The following ZNF609 variants were observed in gnomAD, a reference collection of about 807,000 sequenced individuals.
ZNF609 encodes zinc finger protein 609.
Under a neutral mutation model 109.5 loss-of-function variants are expected in ZNF609, and 11 were observed. The observed-to-expected ratio is 0.10, with a 90% CI of 0.06 to 0.17. The LOEUF (loss-of-function observed/expected upper bound fraction) is 0.17. Ranked by LOEUF, ZNF609 falls within the 10% of genes least tolerant of loss-of-function variation. The pLI is 1.00. For missense variants in ZNF609, 1,559 were observed against 1,772.4 expected (o/e 0.88, Z 2.16); for synonymous variants, 646 against 662.0 (o/e 0.98, Z 0.37).
intron 1 of ZNF609, among the ~76,000 whole-genome samples, chr15:64,468,339 C>CA (rs908079313): frequency 4.0e-5 from 6 of 151,514 alleles, no homozygotes; most frequent in African/African-American, 1.5e-4. Flanking sequence ...TTCCTTAAGA[C>CA]AGGGTCTCAC....
chr15:64,679,396 A>G (rs1315116256), intron 6 of ZNF609, among the ~76,000 whole-genome samples: 1 of 152,182 alleles, frequency 6.6e-6, no homozygotes, highest in African/African-American at 2.4e-5. Flanking sequence ...TTGTTAGAAG[A>G]AAATGCTCTT....
At chr15:64,509,146 G>A (rs975124462) in intron 2 of ZNF609, among the ~76,000 whole-genome samples, 17 of 152,150 alleles carry the variant, frequency 1.1e-4, no homozygotes, top group African/African-American at 4.1e-4. Flanking sequence ...CAGTAGGTAT[G>A]ATTTTTTTCT....
chr15:64,564,610 G>A (rs1894744220), intron 2 of ZNF609, among the ~76,000 whole-genome samples: 1 of 151,772 alleles, frequency 6.6e-6, no homozygotes, highest in African/African-American at 2.4e-5. Context: ...GTTTTTTGTG[G>A]GGTTTTTTTT....
chr15:64,657,442 C>T (rs1896506690), intron 3 of ZNF609, among the ~76,000 whole-genome samples: 1 of 150,930 alleles, frequency 6.6e-6, no homozygotes, highest in Non-Finnish European at 1.5e-5. Flanking sequence ...GGTGAAACCC[C>T]GTCTCTACTG....
chr15:64,595,191 C>T (rs1015910268), intron 2 of ZNF609, among the ~76,000 whole-genome samples: 2 of 150,932 alleles, frequency 1.3e-5, no homozygotes, highest in African/African-American at 4.9e-5. Flanking sequence ...GAAACCCCGT[C>T]TCTACTAAAA....
intron 2 of ZNF609, among the ~76,000 whole-genome samples, chr15:64,538,367 T>G (rs912096962): frequency 6.6e-6 from 1 of 152,194 alleles, no homozygotes; most frequent in African/African-American, 2.4e-5. Context: ...ATAATTCTTC[T>G]CCACTAAAAT....
At chr15:64,601,890 G>C (rs778762977) in intron 2 of ZNF609, among the ~76,000 whole-genome samples, 10 of 152,216 alleles carry the variant, frequency 6.6e-5, no homozygotes, top group Non-Finnish European at 1.2e-4. Context: ...TAGTGGAAAA[G>C]AGAATAAGCT....
intron 1 of ZNF609, among the ~76,000 whole-genome samples, chr15:64,466,257 G>A (rs1893013731): frequency 6.6e-6 from 1 of 151,308 alleles, no homozygotes; most frequent in South Asian, 2.1e-4. Context: ...TCTTTCATAT[G>A]TTTGTGCCAC....
At chr15:64,466,750 C>T (rs1171170222) in intron 1 of ZNF609, among the ~76,000 whole-genome samples, 1 of 152,172 alleles carries the variant, frequency 6.6e-6, no homozygotes, top group East Asian at 1.9e-4. Context: ...AAACTGTTCA[C>T]AAACCACTTA....
chr15:64,571,502 T>A (rs981547649), intron 2 of ZNF609, among the ~76,000 whole-genome samples: 3 of 152,070 alleles, frequency 2.0e-5, no homozygotes, highest in Admixed American at 2.0e-4. Context: ...TTTTATTTTT[T>A]AATTTTTATT....
intron 2 of ZNF609, among the ~76,000 whole-genome samples, chr15:64,581,464 C>T (rs1382898407): frequency 6.6e-6 from 1 of 151,986 alleles, no homozygotes; most frequent in Non-Finnish European, 1.5e-5. Context: ...TAAGCACTTC[C>T]CTATATTTTT....
chr15:64,579,010 C>G (rs1429249534), intron 2 of ZNF609, among the ~76,000 whole-genome samples: 1 of 151,938 alleles, frequency 6.6e-6, no homozygotes, highest in African/African-American at 2.4e-5. Flanking sequence ...TCAGAAAAAA[C>G]AACAAAATTG....
rs1248584923 is a variant in ZNF609, at chr15:64,461,398, C to A, written c.-128+560C>A. 2.0e-5 allele frequency among the ~76,000 whole-genome samples: 3 copies of A among 151,994 alleles called. No individual in the cohort carries two copies. The South Asian group carries it at 6.2e-4, about 32-fold the overall frequency. ...GTCCTTTTCTTCAAGATGGAGGGAT[C>A]CCTGGGCCTGGACCTCAACTGCTAT... On this transcript the variant is annotated intron_variant, in intron 1 of 9. Transcript: ENST00000326648.
Position 64,540,106 on chromosome 15 carries a change from G to T in ZNF609, c.747+39940G>T, listed in dbSNP as rs146970115. Among the ~76,000 whole-genome samples, 60 of 152,278 alleles carry T rather than the reference G, an allele frequency of 3.9e-4. 1 individual carries two copies. Among genetic ancestry groups the T allele is most frequent in the Admixed American group, 1.2e-3 (19 of 15,290 alleles). On this transcript the variant is annotated intron_variant, in intron 2 of 9. Transcript: ENST00000326648. ...TATTACTAGCTGGATTATGATGTTA[G>T]CCCGTTGTGTATCTTCTATATCTTA...
intron 2 of ZNF609, among the ~76,000 whole-genome samples, chr15:64,596,197 A>G (rs1418944063): frequency 6.6e-6 from 1 of 152,024 alleles, no homozygotes; most frequent in Non-Finnish European, 1.5e-5. Context: ...CTGTTGCCCC[A>G]GGCTAAAGTG....
Position 64,632,225 on chromosome 15 carries a change from AT to A in ZNF609, c.973+9182del, listed in dbSNP as rs953094671. 9.6e-4 allele frequency among the ~76,000 whole-genome samples: 145 copies of A among 150,796 alleles called. 1 individual carries two copies. The highest frequency in any genetic ancestry group is 1.4e-3 in the Non-Finnish European group (94 of 67,618). Reference sequence around the variant, plus strand: ...ATGTCACCATGCCTGGGTAGTTAAAATTTTTTTTTGGTAGAGACAGTGTCTT... The same window carrying A: ...ATGTCACCATGCCTGGGTAGTTAAAATTTTTTTTGGTAGAGACAGTGTCTT... On this transcript the variant is annotated intron_variant, in intron 3 of 9. Transcript: ENST00000326648.
intron 1 of ZNF609, among the ~76,000 whole-genome samples, chr15:64,478,221 C>A (rs1483060168): frequency 6.9e-6 from 1 of 145,256 alleles, no homozygotes; most frequent in Non-Finnish European, 1.5e-5. Flanking sequence ...TGGGGTCTTG[C>A]TGTGTTGCCC....
At chr15:64,466,424 A>C (rs558314787) in intron 1 of ZNF609, among the ~76,000 whole-genome samples, 1 of 152,204 alleles carries the variant, frequency 6.6e-6, no homozygotes, top group Non-Finnish European at 1.5e-5. Context: ...AATGGAATTC[A>C]CAGGGTACTA....
At chr15:64,580,574 A>G (rs1895083139) in intron 2 of ZNF609, among the ~76,000 whole-genome samples, 1 of 142,910 alleles carries the variant, frequency 7.0e-6, no homozygotes, top group African/African-American at 2.5e-5. Flanking sequence ...TTTTTGAGAC[A>G]GAGTCTCGTT....
Sources: gnomAD v4.1 joint callset for allele counts (sites outside exome capture counted in the v4.1 genomes callset) on GRCh38, gnomAD v4.1.1 for gene constraint, MANE v1.5 for transcripts, NCBI Gene and HGNC (gene_info 2026-07-23, HGNC 2026-07-21) for gene names.